The following NBR1 variants were observed in gnomAD, a reference collection of about 807,000 sequenced individuals.
NBR1 encodes the protein next to BRCA1 gene 1 protein.
In NBR1, 59 loss-of-function variants were observed where a neutral mutation model predicts 115.5. The ratio of observed to expected loss-of-function variants is 0.51; its 90% CI spans 0.41 to 0.63. NBR1 has a LOEUF of 0.63. NBR1 is among the 30% of genes least tolerant of loss of function. The probability of loss-of-function intolerance (pLI) is 0.00; values close to 1 mark genes in which losing one functional copy is unlikely to be tolerated. For synonymous variants in NBR1, 373 were observed against 414.7 expected (o/e 0.90, Z 1.22); for missense variants, 1,043 against 1,150.5 (o/e 0.91, Z 1.35).
intron 4 of NBR1, 139 bp from the exon 5 acceptor site, chr17:43,180,656 T>C: frequency 1.0e-6 from 1 of 971,080 alleles, no homozygotes; most frequent in Non-Finnish European, 1.3e-6. Context: ...ATCTTTAGGA[T>C]TGGCTATCCT....
At chr17:43,183,357 A>T (rs1370368742) in intron 5 of NBR1, among the ~76,000 whole-genome samples, 1 of 151,606 alleles carries the variant, frequency 6.6e-6, no homozygotes, top group Non-Finnish European at 1.5e-5. Context: ...AGTAGCTGGG[A>T]CTACGGGCAT....
intron 20 of NBR1, among the ~76,000 whole-genome samples, chr17:43,208,631 T>C (rs2154582494): frequency 6.6e-6 from 1 of 152,296 alleles, no homozygotes; most frequent in South Asian, 2.1e-4. Context: ...ATCTTTCTGC[T>C]GCACAGTTTC....
Position 43,200,467 on chromosome 17 carries a change from C to G in NBR1, c.2327C>G (p.Pro776Arg), listed in dbSNP as rs750608623. ...CCTGGGGTTGAGGCTGGGCAGGAAC[C>G]AGCTGAGGCTGGGGAAAGACTCCCT... ...GKPGVEAGQE[P>R]AEAGERLPGG... The change falls in exon 17 of 21, where the codon CCA becomes CGA. Residue 776 changes from proline to arginine, a missense_variant. Physicochemically the swap from Pro to Arg is moderately radical, Grantham distance 103. Coordinates refer to ENST00000590996, the MANE Select transcript of NBR1 (RefSeq NM_005899.5). 25 of 1,613,404 alleles carry G rather than the reference C, an allele frequency of 1.5e-5. No homozygotes were observed. Among genetic ancestry groups the G allele is most frequent in the Middle Eastern group, 1.6e-4 (1 of 6,084 alleles).
chr17:43,187,473 C>G (rs976004752), intron 6 of NBR1, among the ~76,000 whole-genome samples: 10 of 151,396 alleles, frequency 6.6e-5, no homozygotes, highest in African/African-American at 2.4e-4. Flanking sequence ...AGCCACCGCG[C>G]CCGGCCTCCA....
At chr17:43,194,567 C>A in intron 13 of NBR1, 68 bp downstream of exon 13, 1 of 1,547,084 alleles carries the variant, frequency 6.5e-7, no homozygotes, top group Non-Finnish European at 8.8e-7. Context: ...GGTGGTAGAG[C>A]CATAGGCAGT....
Position 43,185,110 on chromosome 17 carries a change from CAG to C in NBR1, c.208-1138_208-1137del, listed in dbSNP as rs1466293299. Among the ~76,000 whole-genome samples, 3 of 146,452 alleles carry C rather than the reference CAG, an allele frequency of 2.0e-5. No homozygotes were observed. The South Asian group carries it at 6.5e-4, about 32-fold the overall frequency. Reference sequence around the variant, plus strand: ...CTCAAAAAAAAGAAAAAAAAAAAAACAGAAAAATAGTAACCCAGTTAAGGAGA... The same window carrying C: ...CTCAAAAAAAAGAAAAAAAAAAAAACAAAAATAGTAACCCAGTTAAGGAGA... On this transcript the variant is annotated intron_variant, in intron 5 of 20. Coordinates refer to ENST00000590996, the MANE Select transcript of NBR1 (RefSeq NM_005899.5).
intron 5 of NBR1, among the ~76,000 whole-genome samples, 186 bp downstream of exon 5, chr17:43,181,003 C>T (rs2056650114): frequency 6.6e-6 from 1 of 152,104 alleles, no homozygotes; most frequent in Non-Finnish European, 1.5e-5. Context: ...TCCCGAGTAG[C>T]TGGAACTACA....
At chr17:43,196,310 T>C (rs2154582287) in intron 14 of NBR1, among the ~76,000 whole-genome samples, 171 bp from the exon 15 acceptor site, 1 of 152,348 alleles carries the variant, frequency 6.6e-6, no homozygotes, top group East Asian at 1.9e-4. Context: ...CTGAGATATT[T>C]TGCTTACTTA....
intron 4 of NBR1, 79 bp downstream of exon 4, chr17:43,179,491 A>C: frequency 7.6e-7 from 1 of 1,316,430 alleles, no homozygotes; most frequent in Non-Finnish European, 1.1e-6. Flanking sequence ...TTATACTCAA[A>C]CCTTATTGCA....
rs774711622 is a variant in NBR1 at position 43,200,567 on chromosome 17, C to G, written c.2427C>G (p.Pro809=). Reference sequence around the variant, plus strand: ...CCTCACAGACTCTGGAAACAGTGCCCCTAATCCCAGAGGTAGTGGAGCTTC... The same window carrying G: ...CCTCACAGACTCTGGAAACAGTGCCGCTAATCCCAGAGGTAGTGGAGCTTC... ...LTTSQTLETV[P]LIPEVVELPP... The change falls in exon 17 of 21, where the codon CCC becomes CCG. Residue 809 remains proline (P), a synonymous_variant. Coordinates refer to ENST00000590996, the MANE Select transcript of NBR1 (RefSeq NM_005899.5). 53 of 1,612,612 alleles carry G rather than the reference C, an allele frequency of 3.3e-5. 1 individual carries two copies. The South Asian group carries it at 5.7e-4, about 17-fold the overall frequency.
At position 43,180,805 on chromosome 17, in the gene NBR1, A is replaced by G. The variant is rs749674057; in HGVS notation, c.195A>G (p.Glu65=). The change falls in exon 5 of 21, where the codon GAA becomes GAG. Residue 65 remains glutamate (E), a synonymous_variant. Transcript: ENST00000590996. The part of the protein sequence containing the change: ...EVSINSQGEY[E]EALKMAVKQG... The stretch of plus-strand genomic sequence containing the variant: ...TTTTTGTTCTTTTAGGAGAATATGA[A>G]GAAGCGCTTAAGGTAATGATTATTT... 91 of 1,456,304 alleles carry G rather than the reference A, an allele frequency of 6.2e-5. No individual in the cohort carries two copies. The Middle Eastern group carries it at 7.3e-4, about 12-fold the overall frequency. 90.2% of individuals were successfully genotyped at this position (1,456,304 alleles called of 1,614,324 possible).
chr17:43,196,426 G>A, intron 14 of NBR1, 55 bp from the exon 15 acceptor site: 1 of 1,096,316 alleles, frequency 9.1e-7, no homozygotes, highest in South Asian at 1.6e-5. Context: ...GACACTGACT[G>A]TTGATGATAT....
intron 1 of NBR1, among the ~76,000 whole-genome samples, chr17:43,173,010 T>G (rs1171390490): frequency 6.6e-6 from 1 of 152,000 alleles, no homozygotes; most frequent in Non-Finnish European, 1.5e-5. Flanking sequence ...GTATTTTTAG[T>G]AGAGACGGGG....
chr17:43,185,242 A>T (rs1269475260), intron 5 of NBR1, among the ~76,000 whole-genome samples: 3 of 152,208 alleles, frequency 2.0e-5, no homozygotes, highest in Non-Finnish European at 1.5e-5. Flanking sequence ...AACAAAACCA[A>T]GTTCATGACC....
chr17:43,186,332 T>C lies in NBR1; in HGVS notation c.290T>C (p.Val97Ala). Residue 97 changes from valine (V) to alanine (A), a missense_variant, in exon 6 of 21, where the codon GTA (valine) becomes GCA (alanine). Transcript: ENST00000590996. The stretch of plus-strand genomic sequence containing the variant: ...GTTGATGAAGCCCCACCCCCAGTTG[T>C]AGGAGCAAAACGACTAGCTGCCAGG... ...HVVDEAPPPV[V>A]GAKRLAARAG... 1 of 1,595,776 alleles carries C rather than the reference T, an allele frequency of 6.3e-7. No individual in the cohort carries two copies. The highest frequency in any genetic ancestry group is 8.5e-7 in the Non-Finnish European group (1 of 1,171,136).
chr17:43,194,453 G>C lies in NBR1; in HGVS notation c.1628G>C (p.Ser543Thr). The C allele has an allele frequency of 3.7e-6, 6 of 1,614,032 alleles. No homozygotes were observed. Among genetic ancestry groups the C allele is most frequent in the Non-Finnish European group, 5.1e-6 (6 of 1,179,902 alleles). ...CIPQKAKNVA[S>T]ERELYIPSVD... ...CCACAGAAGGCAAAAAATGTTGCCAGTGAGAGGGAGCTCTACATCCCATCT... is the reference window on the plus strand; with the variant it reads ...CCACAGAAGGCAAAAAATGTTGCCACTGAGAGGGAGCTCTACATCCCATCT... Residue 543 changes from serine (S) to threonine (T), a missense_variant, in exon 13 of 21, where the codon AGT becomes ACT. Physicochemically the swap from Ser to Thr is moderately conservative, Grantham distance 58 (BLOSUM62 1). Coordinates refer to ENST00000590996, the MANE Select transcript of NBR1 (RefSeq NM_005899.5).
At chr17:43,175,311 T>A (rs1177102314) in intron 1 of NBR1, among the ~76,000 whole-genome samples, 1 of 152,184 alleles carries the variant, frequency 6.6e-6, no homozygotes, top group African/African-American at 2.4e-5. Flanking sequence ...TCTCAAGTCA[T>A]ACAAGAATAC....
At chr17:43,189,445 T>C (rs752358016) in intron 7 of NBR1, 143 bp from the exon 8 acceptor site, 32 of 633,362 alleles carry the variant, frequency 5.1e-5, no homozygotes, top group Non-Finnish European at 8.3e-5. Flanking sequence ...CCTTTTGCTA[T>C]GTTTCTGTCT....
chr17:43,185,794 C>T (rs944322481), intron 5 of NBR1, among the ~76,000 whole-genome samples: 2 of 151,982 alleles, frequency 1.3e-5, no homozygotes, highest in African/African-American at 2.4e-5. Flanking sequence ...GTCGGGAGTT[C>T]GAGACCAGCC....
Sources: allele counts gnomAD v4.1 joint callset (sites outside exome capture counted in the v4.1 genomes callset), GRCh38; gene constraint gnomAD v4.1.1; transcripts MANE v1.5; gene names NCBI Gene and HGNC (gene_info 2026-07-23, HGNC 2026-07-21).